CDKN3: variants seen among roughly 807,000 people sequenced by gnomAD.
CDKN3 encodes the protein cyclin dependent kinase inhibitor 3, also known as cyclin-dependent kinase inhibitor 3.
In CDKN3, 19 loss-of-function variants were observed where a neutral mutation model predicts 36.1. The ratio of observed to expected loss-of-function variants is 0.53; its 90% CI spans 0.37 to 0.77. The LOEUF is 0.77. Ranked by LOEUF, CDKN3 falls within the 30% of genes least tolerant of loss-of-function variation. The probability of loss-of-function intolerance (pLI) is 0.00; values close to 1 mark genes in which losing one functional copy is unlikely to be tolerated. For missense variants in CDKN3, 188 were observed against 248.6 expected, an observed-to-expected ratio of 0.76 and a Z score of 1.64; for synonymous variants, 71 against 85.3, an observed-to-expected ratio of 0.83 and a Z score of 0.92.
At chr14:54,407,012 T>C (rs941565686) in intron 3 of CDKN3, among the ~76,000 whole-genome samples, 15 of 152,308 alleles carry the variant, frequency 9.8e-5, no homozygotes, top group Middle Eastern at 6.8e-3. Flanking sequence ...TGGTGACTTT[T>C]GAATGGGGGT....
chr14:54,402,493 G>A (rs1252324792), intron 3 of CDKN3, among the ~76,000 whole-genome samples: 1 of 152,104 alleles, frequency 6.6e-6, no homozygotes, highest in Non-Finnish European at 1.5e-5. Flanking sequence ...CTCCCATTCT[G>A]TAGGTTGCCT....
At chr14:54,412,344 T>A (rs1043210879) in intron 5 of CDKN3, among the ~76,000 whole-genome samples, 7 of 151,210 alleles carry the variant, frequency 4.6e-5, no homozygotes, top group African/African-American at 1.7e-4. Context: ...AAGGTGACAG[T>A]ACTGCACTCC....
At chr14:54,399,861 T>C (rs1886424765) in intron 1 of CDKN3, 33 bp from the exon 2 acceptor site, 1 of 1,154,924 alleles carries the variant, frequency 8.7e-7, no homozygotes, top group South Asian at 1.2e-5. Flanking sequence ...AAAAAATTCT[T>C]TACAGTTATT....
Position 54,414,854 on chromosome 14 carries a change from C to T in CDKN3, c.417-1045C>T, listed in dbSNP as rs192198275. Among the ~76,000 whole-genome samples, 1,052 of 152,072 alleles carry T rather than the reference C, an allele frequency of 6.9e-3. 4 individuals carry two copies. Among genetic ancestry groups the T allele is most frequent in the Middle Eastern group, 0.024 (7 of 292 alleles). Reference sequence around the variant, plus strand: ...CTGAGCCATCATGCCCAGCCTCTCCCTTTATATGGTAGATCCAGATCTCTG... The same window carrying T: ...CTGAGCCATCATGCCCAGCCTCTCCTTTTATATGGTAGATCCAGATCTCTG... On this transcript the variant is annotated intron_variant, in intron 5 of 7. Coordinates refer to ENST00000335183, the MANE Select transcript of CDKN3 (RefSeq NM_005192.4).
chr14:54,411,230 C>A, intron 4 of CDKN3: 11 of 386,308 alleles, frequency 2.8e-5, no homozygotes, highest in South Asian at 1.8e-4. Context: ...GTATTCATTG[C>A]AAAAAAAAAT....
rs1442119476 is a variant in CDKN3 at position 54,411,585 on chromosome 14, T to C, written c.295T>C (p.Cys99Arg). ...AAACCTTCTGGATCTCTACCAGCAA[T>C]GTGGAATTATCACCCATCATCATCC... Reference protein sequence around the residue: ...VPNLLDLYQQCGIITHHHPIA... With the variant: ...VPNLLDLYQQRGIITHHHPIA... The change falls in exon 5 of 8, where the codon TGT becomes CGT. Residue 99 changes from cysteine (C) to arginine (R), a missense_variant. Physicochemically the swap from Cys to Arg is radical, Grantham distance 180. Coordinates refer to ENST00000335183, the MANE Select transcript of CDKN3 (RefSeq NM_005192.4). 3.1e-6 allele frequency: 5 copies of C among 1,614,088 alleles called. No individual in the cohort carries two copies.
At chr14:54,397,745 A>G (rs1886353674) in intron 1 of CDKN3, among the ~76,000 whole-genome samples, 1 of 152,212 alleles carries the variant, frequency 6.6e-6, no homozygotes, top group Admixed American at 6.5e-5. Context: ...CACCTAACCC[A>G]TATTTCCTAC....
chr14:54,398,272 A>T (rs998337536), intron 1 of CDKN3, among the ~76,000 whole-genome samples: 2 of 152,266 alleles, frequency 1.3e-5, no homozygotes. Context: ...CTATGTTGCC[A>T]TGTGGAGGGA....
intron 3 of CDKN3, among the ~76,000 whole-genome samples, chr14:54,406,847 C>T (rs1307313814): frequency 6.6e-6 from 1 of 152,078 alleles, no homozygotes; most frequent in East Asian, 1.9e-4. Context: ...TCTGTCAGTT[C>T]ATCAAACTCA....
intron 1 of CDKN3, among the ~76,000 whole-genome samples, chr14:54,398,768 G>C (rs1272622053): frequency 6.6e-6 from 1 of 152,102 alleles, no homozygotes; most frequent in Non-Finnish European, 1.5e-5. Context: ...AGCATACGAA[G>C]TCTATCTCAA....
chr14:54,408,653 T>C (rs1322725203), intron 3 of CDKN3, 92 bp from the exon 4 acceptor site: 1 of 1,291,264 alleles, frequency 7.7e-7, no homozygotes, highest in East Asian at 2.6e-5. Flanking sequence ...TTACGTGAAA[T>C]GACTTTATAA....
chr14:54,400,236 T>TCA (rs2029894027), intron 2 of CDKN3, among the ~76,000 whole-genome samples: 1 of 49,506 alleles, frequency 2.0e-5, no homozygotes, highest in Non-Finnish European at 4.5e-5. Context: ...CATTTACTCT[T>TCA]TATAAGACCC....
At chr14:54,416,938 A>T (rs2030573514) in intron 6 of CDKN3, among the ~76,000 whole-genome samples, 1 of 152,246 alleles carries the variant, frequency 6.6e-6, no homozygotes, top group South Asian at 2.1e-4. Flanking sequence ...GATGCTCAAC[A>T]TCATCAGTCA....
chr14:54,416,951 A>C (rs949922122), intron 6 of CDKN3, among the ~76,000 whole-genome samples: 10 of 152,256 alleles, frequency 6.6e-5, no homozygotes, highest in Non-Finnish European at 1.3e-4. Flanking sequence ...ATCAGTCATC[A>C]GGAAATGCAA....
Position 54,403,314 on chromosome 14 carries a change from T to C in CDKN3, c.148+1735T>C, listed in dbSNP as rs183507738. Among the ~76,000 whole-genome samples, 686 of 152,366 alleles carry C rather than the reference T, an allele frequency of 4.5e-3. 3 individuals are homozygous for C. The highest frequency in any genetic ancestry group is 8.4e-3 in the Non-Finnish European group (570 of 68,036). On this transcript the variant is annotated intron_variant, in intron 3 of 7. Transcript: ENST00000335183. ...GGTATTTTATTCTCTTTGTAGCAAT[T>C]GTGAATGGGAGTTCACTCATGATTT... is the stretch of plus-strand genomic sequence containing the variant.
In CDKN3 at chr14:54,408,588, A is replaced by G. The variant is rs4251624; in HGVS notation, c.149-157A>G. The G allele has an allele frequency of 7.1e-3, 6,032 of 853,326 alleles. 276 individuals carry two copies. The African/African-American group carries it at 0.097, about 14-fold the overall frequency. The allele number at this position is 853,326 out of a possible 1,614,324, so 52.9% of individuals were successfully genotyped here. ...GATGAATCCCTGTAATTATATTCCT[A>G]GAAATATAAGAAATTGAAATTCATA... On this transcript the variant is annotated intron_variant, in intron 3 of 7. Coordinates refer to ENST00000335183, the MANE Select transcript of CDKN3 (RefSeq NM_005192.4).
chr14:54,406,054 A>C (rs1481041766), intron 3 of CDKN3, among the ~76,000 whole-genome samples: 4 of 152,218 alleles, frequency 2.6e-5, no homozygotes, highest in Non-Finnish European at 5.9e-5. Context: ...ATCCCTCAGC[A>C]TGTGCTTGTC....
chr14:54,413,234 G>C lies in CDKN3; in HGVS notation c.416+1528G>C, dbSNP rs113685172. Among the ~76,000 whole-genome samples the C allele has an allele frequency of 2.9e-3, 444 of 152,236 alleles. 3 individuals carry two copies. The highest frequency in any genetic ancestry group is 9.9e-3 in the African/African-American group (412 of 41,522). Reference sequence around the variant, plus strand: ...AATTATAAAAGCTAAATTTCAAATAGATCCAGTTGATGATGTGAAAGTTTC... The same window carrying C: ...AATTATAAAAGCTAAATTTCAAATACATCCAGTTGATGATGTGAAAGTTTC... On this transcript the variant is annotated intron_variant, in intron 5 of 7. Transcript: ENST00000335183.
rs1314092141 is a variant in CDKN3, at chr14:54,411,505, T to C, written c.215T>C (p.Ile72Thr). ...GCAGAAGAACTAAAGAGCTGTGGTA[T>C]ACAAGACATATTTGTTTTCTGCACC... ...KDTEELKSCG[I>T]QDIFVFCTRG... The change falls in exon 5 of 8, where the codon ATA becomes ACA. Residue 72 changes from isoleucine to threonine, a missense_variant. Ile to Thr is a moderately conservative substitution (Grantham distance 89). Coordinates refer to ENST00000335183, the MANE Select transcript of CDKN3 (RefSeq NM_005192.4). The C allele has an allele frequency of 6.2e-7, 1 of 1,613,710 alleles. No individual in the cohort carries two copies. The highest frequency in any genetic ancestry group is 8.5e-7 in the Non-Finnish European group (1 of 1,179,976).
Sources: allele counts gnomAD v4.1 joint callset (sites outside exome capture counted in the v4.1 genomes callset), GRCh38; gene constraint gnomAD v4.1.1; transcripts MANE v1.5; gene names NCBI Gene and HGNC (gene_info 2026-07-23, HGNC 2026-07-21).